ZNF564: variants seen among roughly 807,000 people sequenced by gnomAD.
The protein encoded by ZNF564 is zinc finger protein 564.
In ZNF564, 5 loss-of-function variants were observed where a neutral mutation model predicts 10.5. The observed-to-expected ratio is 0.48, with a 90% CI of 0.25 to 1.00. The LOEUF is 1.00. Ranked by LOEUF, ZNF564 falls within the 50% of genes least tolerant of loss-of-function variation. The probability of loss-of-function intolerance (pLI) is 0.16; values close to 1 mark genes in which losing one functional copy is unlikely to be tolerated. For synonymous variants in ZNF564, 242 were observed against 218.1 expected (o/e 1.11, Z -0.97); for missense variants, 603 against 669.7 (o/e 0.90, Z 1.10).
At position 12,527,591 on chromosome 19, in the gene ZNF564, C is replaced by G. The variant is rs2021714941; in HGVS notation, c.517G>C (p.Glu173Gln). The change falls in exon 4 of 4, where the codon GAA (glutamate) becomes CAA (glutamine). Residue 173 changes from glutamate (E) to glutamine (Q), a missense_variant. Coordinates refer to ENST00000339282, the MANE Select transcript of ZNF564 (RefSeq NM_144976.4). ...AGAGAAATGAAGGCTTTCCCACATTCCGGACATGCATAGGGTTTCTCACCA... is the reference window on the plus strand; with the variant it reads ...AGAGAAATGAAGGCTTTCCCACATTGCGGACATGCATAGGGTTTCTCACCA... ...HTGEKPYACP[E>Q]CGKAFISLPS... 6.2e-7 allele frequency: 1 copy of G among 1,614,022 alleles called. No homozygotes were observed. The highest frequency in any genetic ancestry group is 8.5e-7 in the Non-Finnish European group (1 of 1,180,028).
At chr19:12,543,641 T>C (rs1470505756) in intron 1 of ZNF564, among the ~76,000 whole-genome samples, 2 of 120,434 alleles carry the variant, frequency 1.7e-5, no homozygotes, top group African/African-American at 3.3e-5. Flanking sequence ...GTCACTGCAC[T>C]CCAGACGGGG....
At chr19:12,534,122 A>T (rs1174801401) in intron 1 of ZNF564, among the ~76,000 whole-genome samples, 1 of 152,166 alleles carries the variant, frequency 6.6e-6, no homozygotes, top group Non-Finnish European at 1.5e-5. Context: ...GAGAAACTAG[A>T]TGCTTTCTAC....
chr19:12,539,402 G>GT (rs544636762), intron 1 of ZNF564, among the ~76,000 whole-genome samples: 13 of 151,778 alleles, frequency 8.6e-5, no homozygotes, highest in Admixed American at 8.6e-4. Context: ...GCTCACGCCT[G>GT]TAATTCCAGC....
chr19:12,533,749 A>AAAAAAAG (rs2021854194), intron 1 of ZNF564, among the ~76,000 whole-genome samples: 1 of 149,304 alleles, frequency 6.7e-6, no homozygotes, highest in Non-Finnish European at 1.5e-5. Flanking sequence ...AAAAAAAAAA[A>AAAAAAAG]ACAGAAAAAA....
intron 1 of ZNF564, chr19:12,550,394 G>C (rs1398919299): frequency 6.2e-6 from 1 of 162,126 alleles, no homozygotes; most frequent in Non-Finnish European, 1.4e-5. Flanking sequence ...GGTGGCTCAC[G>C]TCTGTAATAC....
chr19:12,542,649 G>GAAAA (rs138665448), intron 1 of ZNF564, among the ~76,000 whole-genome samples: 1 of 146,448 alleles, frequency 6.8e-6, no homozygotes, highest in African/African-American at 2.5e-5. Flanking sequence ...AAAGGGAAAG[G>GAAAA]AAGAAAGAAA....
In ZNF564 at chr19:12,527,447, C is replaced by T. The variant is rs2021710765; in HGVS notation, c.661G>A (p.Gly221Arg). Residue 221 changes from glycine to arginine, a missense_variant, in exon 4 of 4, where the codon GGA (glycine) becomes AGA (arginine). Coordinates refer to ENST00000339282, the MANE Select transcript of ZNF564 (RefSeq NM_144976.4). ...LFQIHERTHT[G>R]EKPYECQECA... ...TCCTGACATTCATAGGGTTTCTCTC[C>T]AGTGTGAGTTCTTTCATGTATCTGA... is the stretch of plus-strand genomic sequence containing the variant. 6.2e-7 allele frequency: 1 copy of T among 1,614,004 alleles called. No individual in the cohort carries two copies. The highest frequency in any genetic ancestry group is 8.5e-7 in the Non-Finnish European group (1 of 1,180,008).
rs780950759 is a variant in ZNF564 at position 12,528,614 on chromosome 19, TAG to T, written c.84_85del (p.Tyr29GlnfsTer9). 6.2e-7 allele frequency: 1 copy of T among 1,614,062 alleles called. No individual in the cohort carries two copies. The highest frequency in any genetic ancestry group is 8.5e-7 in the Non-Finnish European group (1 of 1,180,006). On this transcript the variant is annotated frameshift_variant, in exon 2 of 4. Coordinates refer to ENST00000339282, the MANE Select transcript of ZNF564 (RefSeq NM_144976.4). LOFTEE classifies it high-confidence loss of function. ...AAAGGTTTCCCGCATCACATCTCTG[TAG>T]AGTTTCTTCTGGGAAGGATCCAGCA...
In ZNF564 at chr19:12,526,526, T is replaced by C; in HGVS notation, c.1582A>G (p.Asn528Asp). ...SSFQRHERAH[N>D]GDKPYVKNVG... ...TTCTTTACGTAAGGTTTATCTCCAT[T>C]ATGAGCTCTTTCATGTCTTTGAAAG... The change falls in exon 4 of 4, where the codon AAT (asparagine) becomes GAT (aspartate). Residue 528 changes from asparagine to aspartate, a missense_variant. Asn to Asp is a conservative substitution (Grantham distance 23). Transcript: ENST00000339282. 6.2e-7 allele frequency: 1 copy of C among 1,613,458 alleles called. No homozygotes were observed. The highest frequency in any genetic ancestry group is 8.5e-7 in the Non-Finnish European group (1 of 1,179,856).
At chr19:12,528,389 T>C in intron 2 of ZNF564, 25 bp from the exon 3 acceptor site, 1 of 1,595,872 alleles carries the variant, frequency 6.3e-7, no homozygotes, top group Non-Finnish European at 8.5e-7. Flanking sequence ...GAAAAAATCC[T>C]TATGAACTGA....
intron 1 of ZNF564, among the ~76,000 whole-genome samples, chr19:12,546,531 T>A (rs2022157539): frequency 6.6e-6 from 1 of 151,812 alleles, no homozygotes; most frequent in South Asian, 2.1e-4. Context: ...ATCAAGATCA[T>A]CCTGGCTAAC....
intron 1 of ZNF564, among the ~76,000 whole-genome samples, chr19:12,530,751 A>C (rs2021783822): frequency 6.6e-6 from 1 of 152,184 alleles, no homozygotes; most frequent in African/African-American, 2.4e-5. Context: ...GCAAAATAAA[A>C]TAAGGGGAAA....
intron 1 of ZNF564, chr19:12,550,309 T>G (rs1345988002): frequency 2.9e-5 from 4 of 138,036 alleles, no homozygotes; most frequent in Non-Finnish European, 6.3e-5. Context: ...AAAAAAAAAT[T>G]TTACCGTAGA....
chr19:12,528,350 C>T lies in ZNF564; in HGVS notation c.145G>A (p.Asp49Asn). Residue 49 changes from aspartate to asparagine, a missense_variant, in exon 3 of 4, where the codon GAC (aspartate) becomes AAC (asparagine). Coordinates refer to ENST00000339282, the MANE Select transcript of ZNF564 (RefSeq NM_144976.4). The stretch of plus-strand genomic sequence containing the variant: ...TTGTACCAATCTTCAATGCTCTGGT[C>T]TTCCCATTTTTTTCCTAAAATATAG... ...NLACVGKKWE[D>N]QSIEDWYKNQ... 1 of 1,607,540 alleles carries T rather than the reference C, an allele frequency of 6.2e-7. No individual in the cohort carries two copies. The highest frequency in any genetic ancestry group is 1.1e-5 in the South Asian group (1 of 89,912).
chr19:12,528,026 T>C (rs2021727806), intron 3 of ZNF564, 110 bp from the exon 4 acceptor site: 2 of 1,153,300 alleles, frequency 1.7e-6, no homozygotes, highest in South Asian at 1.5e-5. Flanking sequence ...TTCAGGCCTG[T>C]ATGAATTGTT....
At chr19:12,532,963 G>A (rs935740345) in intron 1 of ZNF564, 6 of 152,138 alleles carry the variant, frequency 3.9e-5, no homozygotes, top group Non-Finnish European at 8.8e-5. Context: ...AGATCCAACA[G>A]GCAGAAAATC....
At position 12,528,316 on chromosome 19, in the gene ZNF564, CCCTGATTTTTGTA is replaced by C; in HGVS notation, c.166_178del (p.Tyr56GlyfsTer4). The C allele has an allele frequency of 6.2e-7, 1 of 1,609,606 alleles. No individual in the cohort carries two copies. Among genetic ancestry groups the C allele is most frequent in the Non-Finnish European group, 8.5e-7 (1 of 1,179,046 alleles). On this transcript the variant is annotated frameshift_variant, in exon 3 of 4. Coordinates refer to ENST00000339282, the MANE Select transcript of ZNF564 (RefSeq NM_144976.4). LOFTEE classifies it low-confidence loss of function (END_TRUNC). ...CAGTGCAAATTACCTTAAAATTCTC[CCCTGATTTTTGTA>C]CCAATCTTCAATGCTCTGGTCTTCC...
intron 1 of ZNF564, among the ~76,000 whole-genome samples, chr19:12,542,360 G>GCA (rs2145088938): frequency 6.6e-6 from 1 of 150,582 alleles, no homozygotes; most frequent in African/African-American, 2.4e-5. Flanking sequence ...TCTAGGCCAG[G>GCA]CACACACATG....
chr19:12,527,952 G>A (rs1265721826), intron 3 of ZNF564, 36 bp from the exon 4 acceptor site: 1 of 1,540,008 alleles, frequency 6.5e-7, no homozygotes, highest in Non-Finnish European at 8.7e-7. Context: ...AGTGGTTTGT[G>A]ACTTTATATT....
Sources: allele counts gnomAD v4.1 joint callset (sites outside exome capture counted in the v4.1 genomes callset), GRCh38; gene constraint gnomAD v4.1.1; transcripts MANE v1.5; gene names NCBI Gene and HGNC (gene_info 2026-07-23, HGNC 2026-07-21).